The following RBFOX3 variants were observed in gnomAD, a reference collection of about 807,000 sequenced individuals.
RBFOX3 encodes the protein RNA binding protein fox-1 homolog 3.
Under a neutral mutation model 48.7 loss-of-function variants are expected in RBFOX3, and 17 were observed. The observed-to-expected ratio is 0.35, with a 90% CI of 0.24 to 0.52. The LOEUF is 0.52. Ranked by LOEUF, RBFOX3 falls within the 20% of genes least tolerant of loss-of-function variation. RBFOX3 has a pLI of 0.94. For synonymous variants in RBFOX3, 212 were observed against 209.5 expected (o/e 1.01, Z -0.10); for missense variants, 382 against 497.5 (o/e 0.77, Z 2.21).
intron 12 of RBFOX3, among the ~76,000 whole-genome samples, chr17:79,096,298 G>A (rs1254582173): frequency 6.6e-6 from 1 of 152,188 alleles, no homozygotes; most frequent in African/African-American, 2.4e-5. Context: ...CTTGCAGCCC[G>A]TGCTGTGGGT....
intron 2 of RBFOX3, among the ~76,000 whole-genome samples, chr17:79,426,514 G>C (rs1477888890): frequency 1.3e-5 from 2 of 152,158 alleles, no homozygotes; most frequent in Non-Finnish European, 2.9e-5. Flanking sequence ...CGATGGGGCA[G>C]GCACCTATCA....
Position 79,459,042 on chromosome 17 carries a change from CTG to C in RBFOX3, c.-175+23410_-175+23411del, listed in dbSNP as rs554156679. Among the ~76,000 whole-genome samples the C allele has an allele frequency of 1.9e-3, 292 of 152,294 alleles. 2 individuals are homozygous for C. Among genetic ancestry groups the C allele is most frequent in the African/African-American group, 6.7e-3 (279 of 41,554 alleles). On this transcript the variant is annotated intron_variant, in intron 2 of 14. Coordinates refer to ENST00000693108, the MANE Select transcript of RBFOX3 (RefSeq NM_001350451.2). ...TTCGTCCTTCTCAGGGTCTCCCTGT[CTG>C]TATCATCTCTGCAGCACCCAGACCT...
intron 2 of RBFOX3, among the ~76,000 whole-genome samples, chr17:79,412,427 A>T (rs560209143): frequency 4.6e-5 from 7 of 151,284 alleles, no homozygotes; most frequent in African/African-American, 1.7e-4. Flanking sequence ...TGTGAGGTGT[A>T]TACATGTGTG....
intron 4 of RBFOX3, among the ~76,000 whole-genome samples, chr17:79,124,812 G>T (rs978578394): frequency 1.3e-5 from 2 of 152,202 alleles, no homozygotes; most frequent in African/African-American, 4.8e-5. Context: ...TGGTGACAGT[G>T]GGGGGTGGGA....
At chr17:79,108,539 G>A (rs1404247123) in intron 5 of RBFOX3, among the ~76,000 whole-genome samples, 2 of 152,224 alleles carry the variant, frequency 1.3e-5, no homozygotes, top group African/African-American at 2.4e-5. Flanking sequence ...CTCGGCCCAC[G>A]GCAAAGGAAA....
At chr17:79,502,523 A>C (rs2082521095) in intron 1 of RBFOX3, among the ~76,000 whole-genome samples, 1 of 152,192 alleles carries the variant, frequency 6.6e-6, no homozygotes, top group Non-Finnish European at 1.5e-5. Flanking sequence ...TGTTATGCAT[A>C]TTTTACCACA....
At chr17:79,137,769 GTTTC>G (rs2040593257) in intron 4 of RBFOX3, among the ~76,000 whole-genome samples, 1 of 152,212 alleles carries the variant, frequency 6.6e-6, no homozygotes, top group Admixed American at 6.5e-5. Context: ...TCATTAATGA[GTTTC>G]TTTAATTAAT....
At chr17:79,604,414 A>C (rs2093781052) in intron 1 of RBFOX3, among the ~76,000 whole-genome samples, 1 of 145,394 alleles carries the variant, frequency 6.9e-6, no homozygotes, top group Non-Finnish European at 1.5e-5. Context: ...TTAAAAAGTC[A>C]TCCTCACACC....
intron 2 of RBFOX3, among the ~76,000 whole-genome samples, chr17:79,338,259 G>A (rs1313527493): frequency 3.9e-5 from 6 of 152,036 alleles, no homozygotes; most frequent in Admixed American, 6.5e-5. Context: ...ATTTTTTAAC[G>A]GGCTGGAAGG....
At chr17:79,232,226 A>G (rs1013847737) in intron 4 of RBFOX3, among the ~76,000 whole-genome samples, 1 of 152,212 alleles carries the variant, frequency 6.6e-6, no homozygotes, top group Non-Finnish European at 1.5e-5. Flanking sequence ...ATTCAATTCA[A>G]TCCCGATCAA....
intron 2 of RBFOX3, among the ~76,000 whole-genome samples, chr17:79,445,640 C>T (rs954041189): frequency 7.2e-5 from 11 of 152,244 alleles, no homozygotes; most frequent in Non-Finnish European, 1.2e-4. Flanking sequence ...GTCTGCACAG[C>T]CTGCTTTCCT....
In RBFOX3 at chr17:79,183,197, C is replaced by A. The variant is rs1302807078; in HGVS notation, c.-34+52569G>T. On this transcript the variant is annotated intron_variant, in intron 4 of 14. Coordinates refer to ENST00000693108, the MANE Select transcript of RBFOX3 (RefSeq NM_001350451.2). Reference sequence around the variant, plus strand: ...GGCGCAGAGGCGGCCAAGTGCGGGGCGTGGGCGGCAGCGCGGGGCGCACGT... The same window carrying A: ...GGCGCAGAGGCGGCCAAGTGCGGGGAGTGGGCGGCAGCGCGGGGCGCACGT... 4.1e-5 allele frequency: 6 copies of A among 147,584 alleles called. No homozygotes were observed. The South Asian group carries it at 1.1e-3, about 27-fold the overall frequency. The allele number at this position is 147,584 out of a possible 1,614,324, so 9.1% of individuals were successfully genotyped here.
At chr17:79,270,462 G>T (rs2143641602) in intron 3 of RBFOX3, among the ~76,000 whole-genome samples, 1 of 152,314 alleles carries the variant, frequency 6.6e-6, no homozygotes, top group Middle Eastern at 3.4e-3. Flanking sequence ...AAACACCTGT[G>T]ACCCATCCAC....
rs2056352772 is a variant in RBFOX3, at chr17:79,199,350, G to A, written c.-34+36416C>T. Among the ~76,000 whole-genome samples, 2 of 152,280 alleles carry A rather than the reference G, an allele frequency of 1.3e-5. No homozygotes were observed. Among genetic ancestry groups the A allele is most frequent in the Non-Finnish European group, 2.9e-5 (2 of 68,016 alleles). On this transcript the variant is annotated intron_variant, in intron 4 of 14. Transcript: ENST00000693108. The surrounding 1 kb of genome is among the most constrained non-coding windows in gnomAD (Gnocchi z 5.1). The stretch of plus-strand genomic sequence containing the variant: ...TCCTGCCCTTCTTCTTCCAGCAGGT[G>A]GGAGGGTCAGACTCAGAGGAGGGAG...
chr17:79,107,463 C>CGG (rs2077603822), intron 5 of RBFOX3, among the ~76,000 whole-genome samples: 1 of 152,236 alleles, frequency 6.6e-6, no homozygotes, highest in East Asian at 1.9e-4. Flanking sequence ...CAAAAGCCAC[C>CGG]TGGCCCCCAG....
At position 79,243,736 on chromosome 17, in the gene RBFOX3, T is replaced by C. The variant is rs2062735393; in HGVS notation, c.-73-7931A>G. ...CAGACACCATAGTGTATCCTCCACC[T>C]GTCCCTGGGTCAGCCAGGCTCAGAA... On this transcript the variant is annotated intron_variant, in intron 3 of 14. Coordinates refer to ENST00000693108, the MANE Select transcript of RBFOX3 (RefSeq NM_001350451.2). The surrounding 1 kb of genome is among the most constrained non-coding windows in gnomAD (Gnocchi z 7.9). Among the ~76,000 whole-genome samples, 1 of 152,156 alleles carries C rather than the reference T, an allele frequency of 6.6e-6. No individual in the cohort carries two copies. The highest frequency in any genetic ancestry group is 2.1e-4 in the South Asian group (1 of 4,828).
intron 4 of RBFOX3, among the ~76,000 whole-genome samples, chr17:79,182,484 G>A (rs986222278): frequency 6.6e-6 from 1 of 152,134 alleles, no homozygotes; most frequent in Non-Finnish European, 1.5e-5. Context: ...TGCAGGCCTG[G>A]GACTGCACTA....
intron 1 of RBFOX3, among the ~76,000 whole-genome samples, chr17:79,518,231 C>T (rs1568372428): frequency 6.6e-6 from 1 of 152,142 alleles, no homozygotes; most frequent in Non-Finnish European, 1.5e-5. Context: ...CCTCTTTTCG[C>T]CTTGGTGTTA....
intron 4 of RBFOX3, among the ~76,000 whole-genome samples, chr17:79,175,587 C>T (rs1417565431): frequency 6.6e-6 from 1 of 152,244 alleles, no homozygotes; most frequent in Non-Finnish European, 1.5e-5. Context: ...GCCTGGCAGA[C>T]ACACTGCCTA....
Sources: gnomAD v4.1 joint callset for allele counts (sites outside exome capture counted in the v4.1 genomes callset) on GRCh38, gnomAD v4.1.1 for gene constraint, Gnocchi (gnomAD v3.1) non-coding constraint, MANE v1.5 for transcripts, NCBI Gene and HGNC (gene_info 2026-07-23, HGNC 2026-07-21) for gene names.